ZNF831: variants seen among roughly 807,000 people sequenced by gnomAD.
ZNF831 encodes zinc finger protein 831, also known as chromosome 20 open reading frame 174.
In ZNF831, 59 loss-of-function variants were observed where a neutral mutation model predicts 95.8. The ratio of observed to expected loss-of-function variants is 0.62; its 90% CI spans 0.50 to 0.77. The LOEUF (loss-of-function observed/expected upper bound fraction) is 0.77. Ranked by LOEUF, ZNF831 falls within the 30% of genes least tolerant of loss-of-function variation. The probability of loss-of-function intolerance (pLI) is 0.00; values close to 1 mark genes in which losing one functional copy is unlikely to be tolerated. For missense variants in ZNF831, 2,205 were observed against 2,164.0 expected (o/e 1.02, Z -0.38); for synonymous variants, 961 against 925.5 (o/e 1.04, Z -0.70).
chr20:59,220,851 T>C (rs1311581730), intron 4 of ZNF831, among the ~76,000 whole-genome samples: 1 of 152,172 alleles, frequency 6.6e-6, no homozygotes, highest in African/African-American at 2.4e-5. Flanking sequence ...TAATTTTGCT[T>C]TCTGGATTTA....
chr20:59,141,375 T>G (rs1045017552), intron 1 of ZNF831, among the ~76,000 whole-genome samples: 4 of 152,250 alleles, frequency 2.6e-5, no homozygotes, highest in Non-Finnish European at 4.4e-5. Flanking sequence ...TTTGAATTAC[T>G]TTTTGTATAA....
At chr20:59,183,964 T>C (rs1400534330) in intron 1 of ZNF831, among the ~76,000 whole-genome samples, 3 of 152,152 alleles carry the variant, frequency 2.0e-5, no homozygotes, top group East Asian at 3.9e-4. Context: ...TTTTGACAAA[T>C]GTATAGTGGC....
chr20:59,243,813 A>T (rs1987457478), intron 4 of ZNF831, among the ~76,000 whole-genome samples: 1 of 152,232 alleles, frequency 6.6e-6, no homozygotes, highest in African/African-American at 2.4e-5. Context: ...CATCAATTAT[A>T]TCCCAAAACC....
Position 59,232,449 on chromosome 20 carries a change from G to A in ZNF831, c.4028-20529G>A, listed in dbSNP as rs148027354. ...AATTAATCAGAAAAGGAGATTTTCC[G>A]TAAAGCCTGTCCATCTGTGAATTCT... On this transcript the variant is annotated intron_variant, in intron 4 of 5. Transcript: ENST00000371030. Among the ~76,000 whole-genome samples, 20 of 151,966 alleles carry A rather than the reference G, an allele frequency of 1.3e-4. No individual in the cohort carries two copies. In the East Asian group the frequency reaches 1.6e-3, roughly 12 times the overall value.
Position 59,188,902 on chromosome 20 carries a change from C to T in ZNF831, c.-36-2082C>T, listed in dbSNP as rs189801537. On this transcript the variant is annotated intron_variant, in intron 1 of 5. Coordinates refer to ENST00000371030, the MANE Select transcript of ZNF831 (RefSeq NM_178457.3). Reference sequence around the variant, plus strand: ...GTCATATTTTAAAATCCATTGCAGCCGGGTGTGGTGGCTCATGCCTATAAT... The same window carrying T: ...GTCATATTTTAAAATCCATTGCAGCTGGGTGTGGTGGCTCATGCCTATAAT... Among the ~76,000 whole-genome samples the T allele has an allele frequency of 3.9e-3, 587 of 152,044 alleles. 3 individuals are homozygous for T. The highest frequency in any genetic ancestry group is 8.6e-3 in the Admixed American group (132 of 15,280).
At chr20:59,216,719 C>T (rs759546958) in intron 4 of ZNF831, among the ~76,000 whole-genome samples, 5 of 152,008 alleles carry the variant, frequency 3.3e-5, no homozygotes, top group African/African-American at 9.7e-5. Context: ...GGGGGACGGG[C>T]GCAGGTACAG....
chr20:59,131,895 A>G (rs934079397), intron 1 of ZNF831, among the ~76,000 whole-genome samples: 1 of 152,266 alleles, frequency 6.6e-6, no homozygotes, highest in Non-Finnish European at 1.5e-5. Context: ...TCTTAAAATG[A>G]AAACTGTTTT....
At chr20:59,202,688 G>A (rs1365295930) in intron 3 of ZNF831, among the ~76,000 whole-genome samples, 4 of 152,054 alleles carry the variant, frequency 2.6e-5, no homozygotes, top group African/African-American at 9.7e-5. Context: ...AAAGGAGGTT[G>A]GGTCTTCCAT....
chr20:59,237,015 C>A (rs1472700336), intron 4 of ZNF831, among the ~76,000 whole-genome samples: 1 of 152,082 alleles, frequency 6.6e-6, no homozygotes, highest in African/African-American at 2.4e-5. Context: ...ACATAATGTC[C>A]CTTTTAAAGG....
chr20:59,190,742 A>G (rs1983428287), intron 1 of ZNF831, among the ~76,000 whole-genome samples: 2 of 152,252 alleles, frequency 1.3e-5, no homozygotes, highest in African/African-American at 4.8e-5. Context: ...GGATTCAGAC[A>G]GATCTGGGTC....
At chr20:59,215,840 G>A (rs1438951440) in intron 4 of ZNF831, among the ~76,000 whole-genome samples, 1 of 152,160 alleles carries the variant, frequency 6.6e-6, no homozygotes, top group African/African-American at 2.4e-5. Context: ...AATATTATGT[G>A]CCATTAAGGG....
chr20:59,200,987 G>T (rs1193153302), intron 3 of ZNF831, among the ~76,000 whole-genome samples: 1 of 151,898 alleles, frequency 6.6e-6, no homozygotes, highest in Non-Finnish European at 1.5e-5. Context: ...AAATTATCTT[G>T]GGAAAATACC....
chr20:59,165,587 G>A, intron 1 of ZNF831, among the ~76,000 whole-genome samples: 1 of 152,188 alleles, frequency 6.6e-6, no homozygotes, highest in East Asian at 1.9e-4. Context: ...CTGTCTGGGT[G>A]TGGCATGGCA....
intron 4 of ZNF831, among the ~76,000 whole-genome samples, chr20:59,226,909 T>G (rs947916151): frequency 3.3e-5 from 5 of 152,074 alleles, no homozygotes; most frequent in African/African-American, 1.2e-4. Context: ...ATAATAGAAA[T>G]CTATCCATAG....
chr20:59,236,981 T>A (rs2146712902), intron 4 of ZNF831, among the ~76,000 whole-genome samples: 1 of 152,220 alleles, frequency 6.6e-6, no homozygotes, highest in Admixed American at 6.5e-5. Context: ...GGCCACCTCA[T>A]CCGGAACTCC....
At chr20:59,168,990 A>T (rs1455886909) in intron 1 of ZNF831, among the ~76,000 whole-genome samples, 2 of 152,124 alleles carry the variant, frequency 1.3e-5, no homozygotes, top group African/African-American at 4.8e-5. Flanking sequence ...TGTGTTCATG[A>T]GGGATATTCG....
chr20:59,185,933 C>G (rs770752542), intron 1 of ZNF831, among the ~76,000 whole-genome samples: 9 of 148,376 alleles, frequency 6.1e-5, no homozygotes, highest in Non-Finnish European at 1.0e-4. Flanking sequence ...GCCCTGCTCA[C>G]CTATTCTCCG....
chr20:59,154,007 G>A (rs1980394349), intron 2 of ZNF831, among the ~76,000 whole-genome samples: 1 of 152,186 alleles, frequency 6.6e-6, no homozygotes, highest in South Asian at 2.1e-4. Flanking sequence ...CTGCAGCCTG[G>A]TGGGTTGGTC....
intron 4 of ZNF831, among the ~76,000 whole-genome samples, chr20:59,234,676 C>T (rs1353263351): frequency 2.0e-5 from 3 of 152,116 alleles, no homozygotes; most frequent in Non-Finnish European, 2.9e-5. Flanking sequence ...AGTGAAAGAT[C>T]CCCCCTGCAA....
Sources: gnomAD v4.1 joint callset for allele counts (sites outside exome capture counted in the v4.1 genomes callset) on GRCh38, gnomAD v4.1.1 for gene constraint, MANE v1.5 for transcripts, NCBI Gene and HGNC (gene_info 2026-07-23, HGNC 2026-07-21) for gene names.